Variants in WNT2 observed in about 807,000 individuals in gnomAD.
The protein encoded by WNT2 is Wnt family member 2.
A neutral mutation model predicts 36.9 loss-of-function variants in WNT2; 12 were observed. The observed-to-expected ratio is 0.33, with a 90% CI of 0.21 to 0.53. WNT2 has a LOEUF of 0.53. WNT2 is among the 20% of genes least tolerant of loss of function. The probability of loss-of-function intolerance (pLI) is 0.95; values close to 1 mark genes in which losing one functional copy is unlikely to be tolerated. For synonymous variants in WNT2, 163 were observed against 174.6 expected (o/e 0.93, Z 0.52); for missense variants, 379 against 473.1 (o/e 0.80, Z 1.84).
rs886371766 is a variant in WNT2 at position 117,275,882 on chromosome 7, C to T, written c.*2273G>A. On this transcript the variant is annotated 3_prime_UTR_variant, in exon 5 of 5. Coordinates refer to ENST00000265441, the MANE Select transcript of WNT2 (RefSeq NM_003391.3). ...TTAGGACAATTTATGTAGGTTCCTA[C>T]GTGGATATCCTTGTCCCCTTGCTAC... Among the ~76,000 whole-genome samples the T allele has an allele frequency of 2.0e-5, 3 of 152,182 alleles. No homozygotes were observed. Among genetic ancestry groups the T allele is most frequent in the Non-Finnish European group, 4.4e-5 (3 of 68,036 alleles).
chr7:117,314,327 G>A (rs1216555392), intron 3 of WNT2, among the ~76,000 whole-genome samples: 4 of 152,104 alleles, frequency 2.6e-5, no homozygotes, highest in Admixed American at 2.6e-4. Context: ...TTAATCCTAG[G>A]GTAAAGCACC....
In WNT2 at chr7:117,278,299, G is replaced by A. The variant is rs767069053; in HGVS notation, c.939C>T (p.Tyr313=). The change falls in exon 5 of 5, where the codon TAC becomes TAT. Residue 313 remains tyrosine (Y), a synonymous_variant. Coordinates refer to ENST00000265441, the MANE Select transcript of WNT2 (RefSeq NM_003391.3). ...SCEVMCCGRG[Y]DTSHVTRMTK... is the part of the protein sequence containing the mutation. ...TCATCCGGGTGACATGGGAGGTGTCGTAGCCTCTCCCACAGCACATGACTT... is the reference window on the plus strand; with the variant it reads ...TCATCCGGGTGACATGGGAGGTGTCATAGCCTCTCCCACAGCACATGACTT... The A allele has an allele frequency of 1.4e-5, 22 of 1,614,046 alleles. No individual in the cohort carries two copies. Among genetic ancestry groups the A allele is most frequent in the Admixed American group, 6.7e-5 (4 of 60,010 alleles).
chr7:117,280,047 G>A (rs182102096), intron 4 of WNT2, among the ~76,000 whole-genome samples: 3 of 152,192 alleles, frequency 2.0e-5, no homozygotes, highest in Non-Finnish European at 4.4e-5. Context: ...AGCAGGGCAC[G>A]GGGTCAAGAA....
At chr7:117,278,712 G>A (rs890515922) in intron 4 of WNT2, among the ~76,000 whole-genome samples, 2 of 152,208 alleles carry the variant, frequency 1.3e-5, no homozygotes, top group Non-Finnish European at 2.9e-5. Context: ...TGAATTTAAG[G>A]ATCCTTGATC....
intron 4 of WNT2, among the ~76,000 whole-genome samples, chr7:117,283,138 T>C (rs1192977284): frequency 6.6e-6 from 1 of 152,034 alleles, no homozygotes; most frequent in Non-Finnish European, 1.5e-5. Context: ...CAGGTAGAAA[T>C]GTTTGCTGAA....
intron 3 of WNT2, among the ~76,000 whole-genome samples, chr7:117,314,626 G>T (rs1267401939): frequency 6.6e-6 from 1 of 152,218 alleles, no homozygotes; most frequent in Non-Finnish European, 1.5e-5. Context: ...CCTAAATCTA[G>T]AAGAAGCCAA....
chr7:117,278,312 C>T lies in WNT2; in HGVS notation c.926G>A (p.Cys309Tyr). 6.2e-7 allele frequency: 1 copy of T among 1,614,218 alleles called. No homozygotes were observed. Among genetic ancestry groups the T allele is most frequent in the Non-Finnish European group, 8.5e-7 (1 of 1,180,046 alleles). ...RGMDSCEVMC[C>Y]GRGYDTSHVT... ...ATGGGAGGTGTCGTAGCCTCTCCCACAGCACATGACTTCACAGCTGTCCAT... is the reference window on the plus strand; with the variant it reads ...ATGGGAGGTGTCGTAGCCTCTCCCATAGCACATGACTTCACAGCTGTCCAT... The change falls in exon 5 of 5, where the codon TGT (cysteine) becomes TAT (tyrosine). Residue 309 changes from cysteine (C) to tyrosine (Y), a missense_variant. Transcript: ENST00000265441.
intron 4 of WNT2, among the ~76,000 whole-genome samples, chr7:117,294,220 A>T (rs965698798): frequency 6.6e-6 from 1 of 152,174 alleles, no homozygotes; most frequent in African/African-American, 2.4e-5. Context: ...TTAAAAGGCC[A>T]TTGGTCACAT....
rs1331699713 is a variant in WNT2 at position 117,278,059 on chromosome 7, G to A, written c.*96C>T. 1 of 1,416,436 alleles carries A rather than the reference G, an allele frequency of 7.1e-7. No individual in the cohort carries two copies. Among genetic ancestry groups the A allele is most frequent in the Non-Finnish European group, 9.8e-7 (1 of 1,022,780 alleles). 87.7% of individuals were successfully genotyped at this position (1,416,436 alleles called of 1,614,324 possible). ...TTGAGATAAAGGCCACATGCCTTAG[G>A]AAATATCCCCCCAGAAAGAACCCAA... On this transcript the variant is annotated 3_prime_UTR_variant, in exon 5 of 5. Coordinates refer to ENST00000265441, the MANE Select transcript of WNT2 (RefSeq NM_003391.3).
intron 3 of WNT2, among the ~76,000 whole-genome samples, chr7:117,313,302 TG>T (rs2065066418): frequency 6.6e-6 from 1 of 152,240 alleles, no homozygotes. Flanking sequence ...TGAAAAAGTC[TG>T]CCCACCCACC....
At chr7:117,311,161 C>T (rs1481907885) in intron 3 of WNT2, among the ~76,000 whole-genome samples, 1 of 152,170 alleles carries the variant, frequency 6.6e-6, no homozygotes, top group Non-Finnish European at 1.5e-5. Flanking sequence ...TGGGTGTGCT[C>T]ACGATGACTG....
chr7:117,322,818 G>T lies in WNT2; in HGVS notation c.83+89C>A. 1 of 1,367,280 alleles carries T rather than the reference G, an allele frequency of 7.3e-7. No homozygotes were observed. The highest frequency in any genetic ancestry group is 1.4e-5 in the African/African-American group (1 of 70,062). The allele number at this position is 1,367,280 out of a possible 1,614,324, so 84.7% of individuals were successfully genotyped here. A position where few individuals can be genotyped will look rare whatever the true frequency, so the allele number is the denominator to read the frequency against. ...CAGAATCCGAGACTGCTGCGGCCGC[G>T]GGGGAACGCAGCCAGGAAGGGTCTA... On this transcript the variant is annotated intron_variant, in intron 1 of 4. Coordinates refer to ENST00000265441, the MANE Select transcript of WNT2 (RefSeq NM_003391.3). This position sits in a 1 kb window ranked among gnomAD's most constrained non-coding sequence, Gnocchi z 5.4.
chr7:117,312,340 C>T (rs1377501709), intron 3 of WNT2, among the ~76,000 whole-genome samples: 1 of 151,876 alleles, frequency 6.6e-6, no homozygotes, highest in African/African-American at 2.4e-5. Flanking sequence ...AACTGCCACA[C>T]CTGGCTAATT....
At chr7:117,319,530 G>GGC (rs1795285870) in intron 2 of WNT2, among the ~76,000 whole-genome samples, 1 of 146,416 alleles carries the variant, frequency 6.8e-6, no homozygotes, top group African/African-American at 2.5e-5. Flanking sequence ...ATTGGGGGGG[G>GGC]GGGTAGGCAA....
intron 4 of WNT2, among the ~76,000 whole-genome samples, chr7:117,291,601 C>T (rs1436599234): frequency 6.6e-6 from 1 of 152,196 alleles, no homozygotes; most frequent in African/African-American, 2.4e-5. Flanking sequence ...CAAAATGTCA[C>T]ATGCACAACA....
Position 117,297,819 on chromosome 7 carries a change from T to C in WNT2, c.646A>G (p.Thr216Ala). The change falls in exon 4 of 5, where the codon ACT (threonine) becomes GCT (alanine). Residue 216 changes from threonine (T) to alanine (A), a missense_variant. By Grantham distance (58) the Thr-to-Ala change is moderately conservative. Transcript: ENST00000265441. ...CKCHGVSGSCTLRTCWLAMAD... is the reference protein window; with the variant it reads ...CKCHGVSGSCALRTCWLAMAD... ...ATGGCCAGCCAGCATGTCCTGAGAGTACATGAGCCGCTCACCCCGTGGCAC... is the reference window on the plus strand; with the variant it reads ...ATGGCCAGCCAGCATGTCCTGAGAGCACATGAGCCGCTCACCCCGTGGCAC... The C allele has an allele frequency of 6.2e-7, 1 of 1,613,980 alleles. No homozygotes were observed. Among genetic ancestry groups the C allele is most frequent in the South Asian group, 1.1e-5 (1 of 91,068 alleles).
At chr7:117,302,794 A>G (rs925343953) in intron 3 of WNT2, among the ~76,000 whole-genome samples, 4 of 152,202 alleles carry the variant, frequency 2.6e-5, no homozygotes, top group African/African-American at 9.7e-5. Flanking sequence ...TAAAAGCAAA[A>G]TGTAGAACAA....
intron 3 of WNT2, among the ~76,000 whole-genome samples, chr7:117,304,329 C>T (rs1794972105): frequency 6.6e-6 from 1 of 152,100 alleles, no homozygotes. Context: ...CCTATGAAAG[C>T]TCCCAGAATC....
rs564948084 is a variant in WNT2, at chr7:117,291,939, G to A, written c.853+5673C>T. Among the ~76,000 whole-genome samples the A allele has an allele frequency of 5.9e-5, 9 of 152,018 alleles. No individual in the cohort carries two copies. In the South Asian group the frequency reaches 1.9e-3, roughly 32 times the overall value. On this transcript the variant is annotated intron_variant, in intron 4 of 4. Transcript: ENST00000265441. The stretch of plus-strand genomic sequence containing the variant: ...ATTACAGGCATGCACCACCACGCCT[G>A]GCTAATTTTGTATTTTTAGTAGAGA...
Sources: gnomAD v4.1 joint callset for allele counts (sites outside exome capture counted in the v4.1 genomes callset) on GRCh38, gnomAD v4.1.1 for gene constraint, Gnocchi (gnomAD v3.1) non-coding constraint, MANE v1.5 for transcripts, NCBI Gene and HGNC (gene_info 2026-07-23, HGNC 2026-07-21) for gene names.